EXO1: variants seen among roughly 807,000 people sequenced by gnomAD.
The protein encoded by EXO1 is exonuclease 1.
Under a neutral mutation model 84.5 loss-of-function variants are expected in EXO1, and 69 were observed. That is an observed-to-expected ratio of 0.82 (90% CI 0.67 to 1.00). The LOEUF (loss-of-function observed/expected upper bound fraction) is 1.00. EXO1 is among the 50% of genes least tolerant of loss of function. The pLI is 0.00. For synonymous variants in EXO1, 373 were observed against 366.1 expected (o/e 1.02, Z -0.21); for missense variants, 1,045 against 1,000.7 (o/e 1.04, Z -0.60).
intron 3 of EXO1, 31 bp from the exon 4 acceptor site, chr1:241,850,378 T>G (rs1235510324): frequency 2.0e-5 from 28 of 1,399,010 alleles, no homozygotes; most frequent in Non-Finnish European, 2.7e-5. Flanking sequence ...TCTTTAAATA[T>G]TACTGTTCTC....
At chr1:241,878,301 C>T (rs1036431399) in intron 12 of EXO1, among the ~76,000 whole-genome samples, 19 of 152,172 alleles carry the variant, frequency 1.2e-4, no homozygotes, top group African/African-American at 4.6e-4. Flanking sequence ...GAGTTTGAGA[C>T]CAGCCTGACC....
In EXO1 at chr1:241,852,402, C is replaced by G. The variant is rs187875457; in HGVS notation, c.272C>G (p.Ser91Cys). 1.3e-6 allele frequency: 2 copies of G among 1,596,912 alleles called. No individual in the cohort carries two copies. The highest frequency in any genetic ancestry group is 1.7e-6 in the Non-Finnish European group (2 of 1,165,466). ...CCTTCTAAAAAGGAAGTAGAGAGATCTAGAAGAGAGTAAGTTAATTCTCTA... is the reference window on the plus strand; with the variant it reads ...CCTTCTAAAAAGGAAGTAGAGAGATGTAGAAGAGAGTAAGTTAATTCTCTA... ...TLPSKKEVER[S>C]RRERRQANLL... is the part of the protein sequence containing the mutation. The change falls in exon 5 of 16, where the codon TCT becomes TGT. Residue 91 changes from serine (S) to cysteine (C), a missense_variant. Physicochemically the swap from Ser to Cys is moderately radical, Grantham distance 112. Transcript: ENST00000366548.
rs1663268090 is a variant in EXO1, at chr1:241,889,589, A to G, written c.2530A>G (p.Ile844Val). 7 of 1,614,090 alleles carry G rather than the reference A, an allele frequency of 4.3e-6. No individual in the cohort carries two copies. Among genetic ancestry groups the G allele is most frequent in the African/African-American group, 1.3e-5 (1 of 75,064 alleles). Residue 844 changes from isoleucine to valine, a missense_variant, in exon 16 of 16, where the codon ATA becomes GTA. Transcript: ENST00000366548. ...KPECGRVQRAIFQ is the reference protein window; with the variant it reads ...KPECGRVQRAVFQ ...TGAATGTGGCCGTGTTCAAAGAGCAATATTCCAGTAAATGCAGACTGCTGC... is the reference window on the plus strand; with the variant it reads ...TGAATGTGGCCGTGTTCAAAGAGCAGTATTCCAGTAAATGCAGACTGCTGC...
chr1:241,855,470 G>C (rs184212351), intron 6 of EXO1, among the ~76,000 whole-genome samples: 1 of 152,128 alleles, frequency 6.6e-6, no homozygotes, highest in Admixed American at 6.5e-5. Context: ...TGAGCTAGAC[G>C]TAAAGATTCT....
At chr1:241,864,726 G>A (rs1203694680) in intron 10 of EXO1, among the ~76,000 whole-genome samples, 1 of 152,118 alleles carries the variant, frequency 6.6e-6, no homozygotes, top group African/African-American at 2.4e-5. Flanking sequence ...TATCTTCACC[G>A]TGGTTTAGAA....
intron 5 of EXO1, 144 bp from the exon 6 acceptor site, chr1:241,853,214 G>A: frequency 1.3e-6 from 1 of 782,656 alleles, no homozygotes; most frequent in Non-Finnish European, 2.1e-6. Flanking sequence ...CTGGGTTAAT[G>A]TTCTCAAGGG....
chr1:241,879,366 T>A, intron 13 of EXO1, 23 bp downstream of exon 13: 1 of 1,429,732 alleles, frequency 7.0e-7, no homozygotes, highest in Non-Finnish European at 9.8e-7. Context: ...CTGAAGGCTT[T>A]GTTTTCAAAT....
intron 6 of EXO1, among the ~76,000 whole-genome samples, chr1:241,855,146 G>A (rs547628748): frequency 1.3e-5 from 2 of 152,272 alleles, no homozygotes; most frequent in East Asian, 3.9e-4. Flanking sequence ...TGCTGGCTGG[G>A]GCAGCCAGCT....
At chr1:241,877,240 A>G (rs1034245908) in intron 12 of EXO1, among the ~76,000 whole-genome samples, 2 of 152,182 alleles carry the variant, frequency 1.3e-5, no homozygotes, top group Non-Finnish European at 2.9e-5. Context: ...GCCAGTTGGG[A>G]GGAAGTAGCC....
chr1:241,887,948 T>C (rs1011300044), intron 15 of EXO1, among the ~76,000 whole-genome samples: 2 of 152,188 alleles, frequency 1.3e-5, no homozygotes, highest in Non-Finnish European at 2.9e-5. Flanking sequence ...CCCTTTTTGT[T>C]CCAAATTTTA....
At chr1:241,885,232 A>ATAAATAAATAAG (rs1296876717) in intron 14 of EXO1, 82 bp from the exon 15 acceptor site, 159 of 779,946 alleles carry the variant, frequency 2.0e-4, no homozygotes, top group African/African-American at 1.9e-3. Context: ...AAATAAATAA[A>ATAAATAAATAAG]TAAGTAAAGA....
Position 241,882,312 on chromosome 1 carries a change from A to AT in EXO1, c.2211+302dup, listed in dbSNP as rs200432907. Among the ~76,000 whole-genome samples the AT allele has an allele frequency of 5.6e-3, 850 of 152,110 alleles. 6 individuals are homozygous for AT. Among genetic ancestry groups the AT allele is most frequent in the South Asian group, 9.3e-3 (45 of 4,826 alleles). On this transcript the variant is annotated intron_variant, in intron 14 of 15. Transcript: ENST00000366548. ...CCCTTATTTTTGTCATTTACCCTAA[A>AT]TTTTTTTGCTCTAGCAAATAATACT...
chr1:241,875,059 A>T (rs1662313524), intron 12 of EXO1, among the ~76,000 whole-genome samples: 1 of 152,196 alleles, frequency 6.6e-6, no homozygotes, highest in Admixed American at 6.5e-5. Context: ...GCTGGAGTAC[A>T]GTGGCGCCAT....
Position 241,848,311 on chromosome 1 carries a change from A to G in EXO1, c.-462A>G, listed in dbSNP as rs1283478039. The G allele has an allele frequency of 6.6e-6, 1 of 152,492 alleles. No individual in the cohort carries two copies. The highest frequency in any genetic ancestry group is 2.4e-5 in the African/African-American group (1 of 41,462). The allele number at this position is 152,492 out of a possible 1,614,324, so 9.4% of individuals were successfully genotyped here. ...GTCGGAGCGGGTTTCTCCAACCGCA[A>G]TCGGCTCCGCTCAAGGGGAGGAGGA... is the stretch of plus-strand genomic sequence containing the variant. On this transcript the variant is annotated 5_prime_UTR_variant, in exon 1 of 16. Transcript: ENST00000366548. The surrounding 1 kb of genome is among the most constrained non-coding windows in gnomAD (Gnocchi z 4.2).
At chr1:241,873,722 G>T (rs1040210481) in intron 12 of EXO1, among the ~76,000 whole-genome samples, 4 of 152,184 alleles carry the variant, frequency 2.6e-5, no homozygotes, top group Admixed American at 1.3e-4. Context: ...ACAGTATGGT[G>T]AGTACAGAGA....
At chr1:241,889,430 T>G (rs1390429685) in intron 15 of EXO1, 35 bp from the exon 16 acceptor site, 1 of 1,595,550 alleles carries the variant, frequency 6.3e-7, no homozygotes, top group Non-Finnish European at 8.6e-7. Context: ...ATCAGTACCT[T>G]AAAAATACCA....
In EXO1 at chr1:241,881,510, A is replaced by G. The variant is rs190738869; in HGVS notation, c.2110-406A>G. On this transcript the variant is annotated intron_variant, in intron 13 of 15. Coordinates refer to ENST00000366548, the MANE Select transcript of EXO1 (RefSeq NM_130398.4). ...AAAGTGGATGCGTTTTTTTCTTTTT[A>G]AAGTTGAACGTGTTACATGATTAAA... Among the ~76,000 whole-genome samples, 525 of 152,258 alleles carry G rather than the reference A, an allele frequency of 3.4e-3. 1 individual carries two copies. The highest frequency in any genetic ancestry group is 0.012 in the African/African-American group (507 of 41,558).
chr1:241,857,808 C>T (rs925742447), intron 7 of EXO1, among the ~76,000 whole-genome samples: 2 of 151,914 alleles, frequency 1.3e-5, no homozygotes, highest in Non-Finnish European at 2.9e-5. Context: ...AGAATGTGGA[C>T]GTACCAGTTT....
intron 4 of EXO1, among the ~76,000 whole-genome samples, chr1:241,850,802 C>CTG (rs915663603): frequency 9.4e-5 from 14 of 148,906 alleles, no homozygotes; most frequent in African/African-American, 3.2e-4. Flanking sequence ...TATCAAGACA[C>CTG]TGATGGACAA....
Sources: gnomAD v4.1 joint callset for allele counts (sites outside exome capture counted in the v4.1 genomes callset) on GRCh38, gnomAD v4.1.1 for gene constraint, Gnocchi (gnomAD v3.1) non-coding constraint, MANE v1.5 for transcripts, NCBI Gene and HGNC (gene_info 2026-07-23, HGNC 2026-07-21) for gene names.